The following ADAMTS6 variants were observed in gnomAD, a reference collection of about 807,000 sequenced individuals.
The protein encoded by ADAMTS6 is ADAM metallopeptidase with thrombospondin type 1 motif 6, also known as A disintegrin and metalloproteinase with thrombospondin motifs 6.
In ADAMTS6, 23 loss-of-function variants were observed where a neutral mutation model predicts 144.3. The observed-to-expected ratio is 0.16, with a 90% confidence interval of 0.11 to 0.23. ADAMTS6 has a LOEUF of 0.23. Ranked by LOEUF, ADAMTS6 falls within the 10% of genes least tolerant of loss-of-function variation. ADAMTS6 has a pLI of 1.00. For synonymous variants in ADAMTS6, 444 were observed against 457.5 expected (o/e 0.97, Z 0.38); for missense variants, 999 against 1,379.6 (o/e 0.72, Z 4.37).
At chr5:65,345,656 G>A (rs1353170673) in intron 7 of ADAMTS6, among the ~76,000 whole-genome samples, 1 of 151,774 alleles carries the variant, frequency 6.6e-6, no homozygotes, top group East Asian at 1.9e-4. Flanking sequence ...GAATAAGAAA[G>A]TGTTTTCATT....
chr5:65,158,192 A>C (rs746908837), intron 24 of ADAMTS6, among the ~76,000 whole-genome samples: 8 of 152,184 alleles, frequency 5.3e-5, no homozygotes, highest in Non-Finnish European at 8.8e-5. Context: ...AAAGCCTTCA[A>C]ATGACCTTTA....
At chr5:65,159,884 A>G (rs535532584) in intron 24 of ADAMTS6, among the ~76,000 whole-genome samples, 1 of 152,380 alleles carries the variant, frequency 6.6e-6, no homozygotes, top group East Asian at 1.9e-4. Context: ...AAGCATGTTC[A>G]GTAAATGATA....
rs542690408 is a variant in ADAMTS6 at position 65,239,144 on chromosome 5, C to T, written c.1933+2960G>A. 4.6e-5 allele frequency among the ~76,000 whole-genome samples: 7 copies of T among 151,744 alleles called. No individual in the cohort carries two copies. The East Asian group carries it at 1.4e-3, about 29-fold the overall frequency. On this transcript the variant is annotated intron_variant, in intron 15 of 24. Coordinates refer to ENST00000381055, the MANE Select transcript of ADAMTS6 (RefSeq NM_197941.4). ...GGGTAGGGGGAGGGGGGAGAGATAG[C>T]ATTAGGAGATATACCTAATGTAAAT...
intron 24 of ADAMTS6, among the ~76,000 whole-genome samples, chr5:65,159,261 A>G (rs1306475508): frequency 6.6e-6 from 1 of 151,954 alleles, no homozygotes; most frequent in Non-Finnish European, 1.5e-5. Context: ...TTCTACTCCC[A>G]CACAAGGCTG....
intron 9 of ADAMTS6, among the ~76,000 whole-genome samples, chr5:65,307,760 A>G (rs953268094): frequency 1.3e-5 from 2 of 152,192 alleles, no homozygotes; most frequent in African/African-American, 4.8e-5. Flanking sequence ...GAATTCTAGT[A>G]GTTAGGCTCT....
intron 7 of ADAMTS6, among the ~76,000 whole-genome samples, chr5:65,350,595 C>A (rs1748763865): frequency 6.6e-6 from 1 of 152,108 alleles, no homozygotes; most frequent in Admixed American, 6.6e-5. Flanking sequence ...TTTGCTTTAA[C>A]CACATTATAT....
chr5:65,187,693 GT>G (rs1283923863), intron 22 of ADAMTS6, among the ~76,000 whole-genome samples: 2 of 152,174 alleles, frequency 1.3e-5, no homozygotes, highest in East Asian at 3.8e-4. Context: ...TTTTAATCAT[GT>G]ATCGCAAATT....
At chr5:65,176,631 A>C (rs1302403413) in intron 22 of ADAMTS6, among the ~76,000 whole-genome samples, 5 of 152,256 alleles carry the variant, frequency 3.3e-5, no homozygotes, top group Admixed American at 3.3e-4. Context: ...CCTGCTCTTT[A>C]ACAAAGATTA....
At position 65,470,976 on chromosome 5, in the gene ADAMTS6, T is replaced by C. The variant is rs752785658; in HGVS notation, c.264A>G (p.Lys88=). The C allele has an allele frequency of 1.6e-5, 25 of 1,612,674 alleles. No individual in the cohort carries two copies. In the Middle Eastern group the frequency reaches 8.2e-4, roughly 53 times the overall value. ...PQQAVSKLFF[K]LSAYGKHFHL... is the part of the protein sequence containing the mutation. ...GAAAGTGCTTGCCATAGGCTGAAAG[T>C]TTAAAAAATAACTTAGATACTGCCT... The change falls in exon 3 of 25, where the codon AAA becomes AAG. Residue 88 remains lysine, a synonymous_variant. Transcript: ENST00000381055.
In ADAMTS6 at chr5:65,196,632, CT is replaced by C. The variant is rs924608655; in HGVS notation, c.2705+389del. ...TCACTATATTTTATTACATCTAAGA[CT>C]TTTTTTTTATGTGCCATTAAGAGAG... On this transcript the variant is annotated intron_variant, in intron 21 of 24. Transcript: ENST00000381055. Among the ~76,000 whole-genome samples, 19 of 139,216 alleles carry C rather than the reference CT, an allele frequency of 1.4e-4. 1 individual carries two copies. Among genetic ancestry groups the C allele is most frequent in the Middle Eastern group, 8.4e-3 (2 of 238 alleles). 91.3% of individuals were successfully genotyped at this position (139,216 alleles called of 152,430 possible).
chr5:65,259,719 A>C (rs2112586044), intron 14 of ADAMTS6, among the ~76,000 whole-genome samples: 1 of 152,328 alleles, frequency 6.6e-6, no homozygotes, highest in African/African-American at 2.4e-5. Flanking sequence ...CAATGGGAAA[A>C]TAACTAGCAT....
At chr5:65,326,718 C>T (rs1462553786) in intron 9 of ADAMTS6, among the ~76,000 whole-genome samples, 2 of 152,038 alleles carry the variant, frequency 1.3e-5, no homozygotes, top group Non-Finnish European at 2.9e-5. Flanking sequence ...GTATACTTCA[C>T]CTGAAAATAT....
In ADAMTS6 at chr5:65,288,306, T is replaced by C. The variant is rs1039882653; in HGVS notation, c.1512+3023A>G. On this transcript the variant is annotated intron_variant, in intron 11 of 24. Coordinates refer to ENST00000381055, the MANE Select transcript of ADAMTS6 (RefSeq NM_197941.4). ...TTCTTTTTTTTTCTTTTTTCTTTTT[T>C]TCTTTTCTTTTCTTTTTTTTTTTTT... Among the ~76,000 whole-genome samples, 10 of 137,430 alleles carry C rather than the reference T, an allele frequency of 7.3e-5. 1 individual carries two copies. In the East Asian group the frequency reaches 1.7e-3, roughly 23 times the overall value. 90.2% of individuals were successfully genotyped at this position (137,430 alleles called of 152,430 possible). A position where few individuals can be genotyped will look rare whatever the true frequency, so the allele number is the denominator to read the frequency against.
In ADAMTS6 at chr5:65,296,969, T is replaced by G. The variant is rs534627669; in HGVS notation, c.1370+3016A>C. Reference sequence around the variant, plus strand: ...AAATGTATGAAAAACTGGCTTAAATTACTTCTGGCTGTCTTCCACTGCCTG... The same window carrying G: ...AAATGTATGAAAAACTGGCTTAAATGACTTCTGGCTGTCTTCCACTGCCTG... On this transcript the variant is annotated intron_variant, in intron 10 of 24. Coordinates refer to ENST00000381055, the MANE Select transcript of ADAMTS6 (RefSeq NM_197941.4). 72 of 207,524 alleles carry G rather than the reference T, an allele frequency of 3.5e-4. 1 individual carries two copies. The highest frequency in any genetic ancestry group is 1.1e-4 in the Admixed American group (2 of 17,616). 12.9% of individuals were successfully genotyped at this position (207,524 alleles called of 1,614,324 possible).
chr5:65,242,195 C>A lies in ADAMTS6; in HGVS notation c.1842G>T (p.Leu614Phe). 6.3e-7 allele frequency: 1 copy of A among 1,594,838 alleles called. No homozygotes were observed. The highest frequency in any genetic ancestry group is 1.1e-5 in the South Asian group (1 of 87,798). ...YRSCNTDPCP[L>F]GSRDFREKQC... ...GTTTCTCTCGAAAATCTCGGGAACCCAAAGGGCATGGCTAAAATAAAATAA... is the reference window on the plus strand; with the variant it reads ...GTTTCTCTCGAAAATCTCGGGAACCAAAAGGGCATGGCTAAAATAAAATAA... Residue 614 changes from leucine (L) to phenylalanine (F), a missense_variant, in exon 15 of 25, where the codon TTG becomes TTT. This residue lies in a region of ADAMTS6 where 619 missense variants were observed against 837.0 expected (regional missense o/e 0.74). Coordinates refer to ENST00000381055, the MANE Select transcript of ADAMTS6 (RefSeq NM_197941.4).
At chr5:65,417,240 G>A (rs574254096) in intron 7 of ADAMTS6, among the ~76,000 whole-genome samples, 84 of 152,094 alleles carry the variant, frequency 5.5e-4, no homozygotes, top group African/African-American at 1.9e-3. Context: ...AAAATAATAA[G>A]AGCCATCTAT....
intron 13 of ADAMTS6, 47 bp from the exon 14 acceptor site, chr5:65,260,710 A>G: frequency 7.0e-7 from 1 of 1,431,138 alleles, no homozygotes; most frequent in Non-Finnish European, 9.8e-7. Flanking sequence ...ACATCTGTCC[A>G]TACAAAGAGT....
At chr5:65,274,636 C>A (rs1388349598) in intron 11 of ADAMTS6, among the ~76,000 whole-genome samples, 1 of 152,064 alleles carries the variant, frequency 6.6e-6, no homozygotes, top group African/African-American at 2.4e-5. Context: ...TAGGGTGCCT[C>A]CTACCAGGCA....
At chr5:65,245,519 C>G (rs1759550748) in intron 14 of ADAMTS6, among the ~76,000 whole-genome samples, 1 of 152,138 alleles carries the variant, frequency 6.6e-6, no homozygotes, top group East Asian at 1.9e-4. Context: ...CTCTCATCAT[C>G]CATGTAATCA....
Sources: gnomAD v4.1 joint callset for allele counts (sites outside exome capture counted in the v4.1 genomes callset) on GRCh38, gnomAD v4.1.1 for gene constraint, gnomAD v4.1.1 regional missense constraint, MANE v1.5 for transcripts, NCBI Gene and HGNC (gene_info 2026-07-23, HGNC 2026-07-21) for gene names.